Variants in TWF1 observed in about 807,000 individuals in gnomAD.
The protein encoded by TWF1 is twinfilin actin binding protein 1, also known as twinfilin-1.
A neutral mutation model predicts 47.9 loss-of-function variants in TWF1; 14 were observed. The ratio of observed to expected loss-of-function variants is 0.29; its 90% CI spans 0.19 to 0.46. The LOEUF (loss-of-function observed/expected upper bound fraction) is 0.46, where lower values mean the gene tolerates loss of function less well. Ranked by LOEUF, TWF1 falls within the 20% of genes least tolerant of loss-of-function variation. The probability of loss-of-function intolerance (pLI) is 1.00; values close to 1 mark genes in which losing one functional copy is unlikely to be tolerated. For synonymous variants in TWF1, 96 were observed against 139.2 expected (o/e 0.69, Z 2.18); for missense variants, 281 against 409.3 (o/e 0.69, Z 2.70).
rs1326659510 is a variant in TWF1 at position 43,795,616 on chromosome 12, C to T, written c.1022G>A (p.Gly341Asp). 2.5e-6 allele frequency: 4 copies of T among 1,612,104 alleles called. No homozygotes were observed. Among genetic ancestry groups the T allele is most frequent in the East Asian group, 4.5e-5 (2 of 44,874 alleles). Residue 341 changes from glycine (G) to aspartate (D), a missense_variant, in exon 9 of 9, where the codon GGC becomes GAC. Physicochemically the swap from Gly to Asp is moderately conservative, Grantham distance 94. Coordinates refer to ENST00000395510, the MANE Select transcript of TWF1 (RefSeq NM_002822.5). The stretch of plus-strand genomic sequence containing the variant: ...AGTAGTAGCTTCAGTTTCCGCTGGG[C>T]CCCTAATTAGTCTTCGAATTCCTCT... Reference protein sequence around the residue: ...GKRGIRRLIRGPAETEATTD With the variant: ...GKRGIRRLIRDPAETEATTD
chr12:43,806,304 G>T lies in TWF1; in HGVS notation c.-59C>A. ...AGTGCAGCCAGCGGCCCCGGCCGGC[G>T]GCCCCAGGAAGTGGCTGCTCCTCCG... On this transcript the variant is annotated 5_prime_UTR_variant, in exon 1 of 9. Transcript: ENST00000395510. The T allele has an allele frequency of 6.9e-7, 1 of 1,440,842 alleles. No homozygotes were observed. Among genetic ancestry groups the T allele is most frequent in the Non-Finnish European group, 9.1e-7 (1 of 1,098,016 alleles). 89.3% of individuals were successfully genotyped at this position (1,440,842 alleles called of 1,614,324 possible).
chr12:43,806,111 G>A (rs1942763779), intron 1 of TWF1, 110 bp downstream of exon 1: 1 of 1,523,280 alleles, frequency 6.6e-7, no homozygotes, highest in Non-Finnish European at 8.8e-7. Context: ...CCGCGAGACC[G>A]ACTTCCGGAG....
In TWF1 at chr12:43,797,307, G is replaced by T; in HGVS notation, c.755C>A (p.Ser252Tyr). Residue 252 changes from serine to tyrosine, a missense_variant, in exon 7 of 9, where the codon TCC (serine) becomes TAC (tyrosine). Transcript: ENST00000395510. The part of the protein sequence containing the change: ...KHSHEGDYLE[S>Y]IVFIYSMPGY... ...AAAAACAATGTATCATATACCTATG[G>T]ACTCTAAATAGTCTCCTTCATGGGA... 6.3e-7 allele frequency: 1 copy of T among 1,591,194 alleles called. No homozygotes were observed. The highest frequency in any genetic ancestry group is 8.5e-7 in the Non-Finnish European group (1 of 1,171,426).
chr12:43,802,199 T>G, intron 3 of TWF1, 87 bp downstream of exon 3: 1 of 856,672 alleles, frequency 1.2e-6, no homozygotes, highest in Non-Finnish European at 1.7e-6. Flanking sequence ...GAAATAATTA[T>G]TGTTTTTTAA....
intron 2 of TWF1, among the ~76,000 whole-genome samples, chr12:43,803,545 A>T (rs1281647102): frequency 6.6e-6 from 1 of 152,148 alleles, no homozygotes; most frequent in Non-Finnish European, 1.5e-5. Flanking sequence ...AAACCAGAAA[A>T]TAATAACTTA....
At chr12:43,806,140 C>A in intron 1 of TWF1, 81 bp downstream of exon 1, 1 of 1,530,130 alleles carries the variant, frequency 6.5e-7, no homozygotes, top group South Asian at 1.2e-5. Context: ...CCGACTCCAG[C>A]CCTGCCGGTC....
Position 43,806,257 on chromosome 12 carries a change from C to T in TWF1, c.-12G>A. The T allele has an allele frequency of 1.3e-6, 2 of 1,523,418 alleles. No homozygotes were observed. The highest frequency in any genetic ancestry group is 2.9e-5 in the African/African-American group (2 of 69,706). The allele number at this position is 1,523,418 out of a possible 1,614,324, so 94.4% of individuals were successfully genotyped here. The stretch of plus-strand genomic sequence containing the variant: ...GTCTGGTGGGACATGGCGGCGGCCG[C>T]TAGCTCCCGGCTCCGGCGCTGAGTG... On this transcript the variant is annotated 5_prime_UTR_variant, in exon 1 of 9. Coordinates refer to ENST00000395510, the MANE Select transcript of TWF1 (RefSeq NM_002822.5).
rs755933337 is a variant in TWF1 at position 43,795,654 on chromosome 12, A to G, written c.984T>C (p.Gly328=). 6 of 1,613,168 alleles carry G rather than the reference A, an allele frequency of 3.7e-6. No homozygotes were observed. Among genetic ancestry groups the G allele is most frequent in the Non-Finnish European group, 5.1e-6 (6 of 1,179,842 alleles). The part of the protein sequence containing the change: ...AHKQSFAKPK[G]PAGKRGIRRL... ...TTCGAATTCCTCTTTTTCCTGCAGG[A>G]CCTTTTGGTTTTGCAAAACTTTGCT... Residue 328 remains glycine, a synonymous_variant, in exon 9 of 9, where the codon GGT becomes GGC. Coordinates refer to ENST00000395510, the MANE Select transcript of TWF1 (RefSeq NM_002822.5).
At position 43,796,975 on chromosome 12, in the gene TWF1, CCTTT is replaced by C; in HGVS notation, c.879_882del (p.Lys294SerfsTer3). Reference sequence around the variant, plus strand: ...TGAAGATTTTAAAATAGGTGGGCTACCTTTCTAATTACATCCATTTGTAGTTGTC... The same window carrying C: ...TGAAGATTTTAAAATAGGTGGGCTACCTAATTACATCCATTTGTAGTTGTC... On this transcript the variant is annotated frameshift_variant and splice_region_variant, in exon 8 of 9. Coordinates refer to ENST00000395510, the MANE Select transcript of TWF1 (RefSeq NM_002822.5). LOFTEE classifies it high-confidence loss of function. 1 of 1,606,608 alleles carries C rather than the reference CCTTT, an allele frequency of 6.2e-7. No homozygotes were observed. Among genetic ancestry groups the C allele is most frequent in the Non-Finnish European group, 8.5e-7 (1 of 1,178,276 alleles).
intron 1 of TWF1, among the ~76,000 whole-genome samples, chr12:43,805,241 A>G (rs1020202905): frequency 6.6e-6 from 1 of 152,190 alleles, no homozygotes; most frequent in Non-Finnish European, 1.5e-5. Context: ...AGTGCTTGCT[A>G]TAAGGCTCAA....
At chr12:43,796,201 A>G (rs745584091) in intron 8 of TWF1, among the ~76,000 whole-genome samples, 3 of 152,166 alleles carry the variant, frequency 2.0e-5, no homozygotes, top group Non-Finnish European at 2.9e-5. Context: ...ATAAGAATAT[A>G]TGACAGAGAT....
At chr12:43,800,657 A>T in intron 3 of TWF1, 127 bp from the exon 4 acceptor site, 3 of 649,482 alleles carry the variant, frequency 4.6e-6, no homozygotes, top group Non-Finnish European at 8.0e-6. Context: ...TCCACCCACT[A>T]TAATATGCTA....
chr12:43,798,003 A>G (rs1385277582), intron 5 of TWF1, among the ~76,000 whole-genome samples, 170 bp from the exon 6 acceptor site: 1 of 152,142 alleles, frequency 6.6e-6, no homozygotes, highest in East Asian at 1.9e-4. Context: ...CAACATGCAG[A>G]GTGCATGACA....
intron 3 of TWF1, among the ~76,000 whole-genome samples, chr12:43,801,858 C>T (rs546562845): frequency 2.0e-5 from 3 of 152,116 alleles, no homozygotes; most frequent in South Asian, 2.1e-4. Flanking sequence ...AGTGAAACCC[C>T]GTCTCTACTA....
In TWF1 at chr12:43,793,730, GA is replaced by G. The variant is rs1942504142; in HGVS notation, c.*1854del. 6.6e-6 allele frequency: 1 copy of G among 152,402 alleles called. No individual in the cohort carries two copies. The highest frequency in any genetic ancestry group is 1.5e-5 in the Non-Finnish European group (1 of 67,998). 9.4% of individuals were successfully genotyped at this position (152,402 alleles called of 1,614,324 possible). ...CAACAGAACATACACAACTTAAAGAGAAAAAATTTTTATTGTGATATAAAAT... is the reference window on the plus strand; with the variant it reads ...CAACAGAACATACACAACTTAAAGAGAAAAATTTTTATTGTGATATAAAAT... On this transcript the variant is annotated 3_prime_UTR_variant, in exon 9 of 9. Transcript: ENST00000395510.
intron 5 of TWF1, 129 bp from the exon 6 acceptor site, chr12:43,797,962 A>C: frequency 1.0e-6 from 1 of 961,772 alleles, no homozygotes; most frequent in African/African-American, 1.7e-5. Flanking sequence ...ATTATTTTTC[A>C]CATTTGTTTA....
At position 43,805,303 on chromosome 12, in the gene TWF1, TAAAAC is replaced by T. The variant is rs533956091; in HGVS notation, c.26-736_26-732del. ...ATATATCGAAATTAATGCGGATAAATAAAACAAAGTTTTCAGATTTGAGACTATTT... is the reference window on the plus strand; with the variant it reads ...ATATATCGAAATTAATGCGGATAAATAAAGTTTTCAGATTTGAGACTATTT... On this transcript the variant is annotated intron_variant, in intron 1 of 8. Transcript: ENST00000395510. Among the ~76,000 whole-genome samples, 247 of 152,306 alleles carry T rather than the reference TAAAAC, an allele frequency of 1.6e-3. 1 individual carries two copies. Among genetic ancestry groups the T allele is most frequent in the Non-Finnish European group, 2.7e-3 (183 of 68,022 alleles).
chr12:43,797,105 T>C lies in TWF1; in HGVS notation c.761-8A>G, dbSNP rs527466125. 1 of 1,582,500 alleles carries C rather than the reference T, an allele frequency of 6.3e-7. No homozygotes were observed. The highest frequency in any genetic ancestry group is 1.2e-5 in the South Asian group (1 of 85,556). ...GCATTGAATAAATAAAAACTGTAAG[T>C]TCAAATAATAACAAATATAATTAGC... On this transcript the variant is annotated splice_region_variant and splice_polypyrimidine_tract_variant and intron_variant, in intron 7 of 8. Transcript: ENST00000395510.
In TWF1 at chr12:43,797,901, C is replaced by T. The variant is rs1405842487; in HGVS notation, c.484-68G>A. 1.3e-5 allele frequency: 20 copies of T among 1,509,178 alleles called. No homozygotes were observed. The South Asian group carries it at 2.1e-4, about 16-fold the overall frequency. The allele number at this position is 1,509,178 out of a possible 1,614,324, so 93.5% of individuals were successfully genotyped here. A position where few individuals can be genotyped will look rare whatever the true frequency, so the allele number is the denominator to read the frequency against. ...TATCCTATGGCAAACATAAGAAAAC[C>T]CAACCTCTATAAAATAGTATCATTC... On this transcript the variant is annotated intron_variant, in intron 5 of 8. Coordinates refer to ENST00000395510, the MANE Select transcript of TWF1 (RefSeq NM_002822.5).
Sources: allele counts gnomAD v4.1 joint callset (sites outside exome capture counted in the v4.1 genomes callset), GRCh38; gene constraint gnomAD v4.1.1; transcripts MANE v1.5; gene names NCBI Gene and HGNC (gene_info 2026-07-23, HGNC 2026-07-21).